The following ULK4 variants were observed in gnomAD, a reference collection of about 807,000 sequenced individuals.
ULK4 encodes inactive serine/threonine-protein kinase ULK4.
A neutral mutation model predicts 160.6 loss-of-function variants in ULK4; 133 were observed. The observed-to-expected ratio is 0.83, with a 90% CI of 0.72 to 0.96. The LOEUF (loss-of-function observed/expected upper bound fraction) is 0.96. Ranked by LOEUF, ULK4 falls within the 40% of genes least tolerant of loss-of-function variation. The pLI, the probability that ULK4 is intolerant of heterozygous loss-of-function variation, is 0.00. For missense variants in ULK4, 1,580 were observed against 1,499.5 expected (o/e 1.05, Z -0.89); for synonymous variants, 534 against 539.8 (o/e 0.99, Z 0.15).
intron 31 of ULK4, among the ~76,000 whole-genome samples, chr3:41,598,831 C>G (rs1046554320): frequency 6.6e-6 from 1 of 152,194 alleles, no homozygotes; most frequent in African/African-American, 2.4e-5. Flanking sequence ...CAAATTATCA[C>G]AGACGTTGTG....
intron 17 of ULK4, among the ~76,000 whole-genome samples, chr3:41,837,697 AT>A (rs1210600766): frequency 2.0e-5 from 3 of 151,746 alleles, no homozygotes; most frequent in Non-Finnish European, 4.4e-5. Flanking sequence ...AGTAGTTGGG[AT>A]TACAGGTACA....
intron 32 of ULK4, among the ~76,000 whole-genome samples, chr3:41,540,561 G>A (rs1216220352): frequency 7.2e-5 from 11 of 152,184 alleles, no homozygotes; most frequent in Non-Finnish European, 1.0e-4. Flanking sequence ...CCAGTAATGG[G>A]ATCGCTGGGT....
At chr3:41,484,805 C>T in intron 32 of ULK4, among the ~76,000 whole-genome samples, 1 of 152,086 alleles carries the variant, frequency 6.6e-6, no homozygotes, top group East Asian at 1.9e-4. Context: ...GGAGAACGAC[C>T]ACCACGTGAT....
chr3:41,793,779 T>A (rs1478693280), intron 20 of ULK4, among the ~76,000 whole-genome samples: 1 of 152,164 alleles, frequency 6.6e-6, no homozygotes, highest in Non-Finnish European at 1.5e-5. Context: ...TTCCCTATAA[T>A]CCCAATAAGT....
At chr3:41,668,998 T>C (rs185179307) in intron 29 of ULK4, among the ~76,000 whole-genome samples, 97 of 152,206 alleles carry the variant, frequency 6.4e-4, no homozygotes, top group African/African-American at 2.1e-3. Context: ...TCTTACTATA[T>C]AAAGAGCTTT....
At chr3:41,416,176 C>G in intron 34 of ULK4, among the ~76,000 whole-genome samples, 1 of 152,190 alleles carries the variant, frequency 6.6e-6, no homozygotes, top group East Asian at 1.9e-4. Context: ...CAAGACCTGA[C>G]AGAGAAGATG....
chr3:41,533,965 G>A (rs1043893395), intron 32 of ULK4, among the ~76,000 whole-genome samples: 16 of 151,946 alleles, frequency 1.1e-4, no homozygotes, highest in Middle Eastern at 3.2e-3. Context: ...CCGCCACCAC[G>A]CCCGGCTAAT....
At chr3:41,528,721 T>C (rs1397670630) in intron 32 of ULK4, among the ~76,000 whole-genome samples, 3 of 152,222 alleles carry the variant, frequency 2.0e-5, no homozygotes, top group South Asian at 2.1e-4. Context: ...ATCTCATGAT[T>C]CCATTCAGAG....
Position 41,856,564 on chromosome 3 carries a change from C to CATAT in ULK4, c.1657-20597_1657-20594dup, listed in dbSNP as rs201080840. On this transcript the variant is annotated intron_variant, in intron 17 of 36. Coordinates refer to ENST00000301831, the MANE Select transcript of ULK4 (RefSeq NM_017886.4). ...ATATATATATGTGTATATATATACACATATATATATGTGTATATATATACA... is the reference window on the plus strand; with the variant it reads ...ATATATATATGTGTATATATATACACATATATATATATATGTGTATATATATACA... Among the ~76,000 whole-genome samples, 34 of 69,030 alleles carry CATAT rather than the reference C, an allele frequency of 4.9e-4. 2 individuals carry two copies. The highest frequency in any genetic ancestry group is 2.8e-3 in the East Asian group (8 of 2,844). 45.3% of individuals were successfully genotyped at this position (69,030 alleles called of 152,430 possible).
chr3:41,816,174 C>T (rs1377574133), intron 19 of ULK4, among the ~76,000 whole-genome samples: 1 of 151,900 alleles, frequency 6.6e-6, no homozygotes, highest in African/African-American at 2.4e-5. Flanking sequence ...TTAAGAACTC[C>T]TGCCTATCAA....
chr3:41,656,568 A>G (rs1241597387), intron 30 of ULK4, among the ~76,000 whole-genome samples: 1 of 152,212 alleles, frequency 6.6e-6, no homozygotes, highest in African/African-American at 2.4e-5. Flanking sequence ...GCTGATTAAG[A>G]TGTTTGATAA....
At chr3:41,544,474 C>T (rs1354558025) in intron 32 of ULK4, among the ~76,000 whole-genome samples, 1 of 152,184 alleles carries the variant, frequency 6.6e-6, no homozygotes, top group Non-Finnish European at 1.5e-5. Context: ...TCAGGTCTTT[C>T]TTCATCATAT....
chr3:41,294,160 T>C (rs975275335), intron 35 of ULK4, among the ~76,000 whole-genome samples: 2 of 152,202 alleles, frequency 1.3e-5, no homozygotes, highest in Non-Finnish European at 2.9e-5. Flanking sequence ...AGGTGATGTT[T>C]AGGTCATGAG....
intron 17 of ULK4, among the ~76,000 whole-genome samples, chr3:41,865,899 A>T (rs781326255): frequency 6.6e-6 from 1 of 152,234 alleles, no homozygotes; most frequent in Non-Finnish European, 1.5e-5. Context: ...CAACAAAAGA[A>T]CCATTCGTAA....
intron 11 of ULK4, 23 bp downstream of exon 11, chr3:41,911,294 C>T: frequency 6.2e-7 from 1 of 1,610,914 alleles, no homozygotes; most frequent in Non-Finnish European, 8.5e-7. Flanking sequence ...TTGCACTGAT[C>T]CCTCTTTTTT....
In ULK4 at chr3:41,516,442, A is replaced by G. The variant is rs146173296; in HGVS notation, c.3226+49583T>C. On this transcript the variant is annotated intron_variant, in intron 32 of 36. Transcript: ENST00000301831. ...GGCTAGGATAAAATATTTGCAAAAC[A>G]TATCTGATAAAGGACTTGTATCCAC... is the stretch of plus-strand genomic sequence containing the variant. Among the ~76,000 whole-genome samples the G allele has an allele frequency of 3.3e-3, 496 of 152,274 alleles. 2 individuals are homozygous for G. Among genetic ancestry groups the G allele is most frequent in the Non-Finnish European group, 5.6e-3 (382 of 68,016 alleles).
intron 32 of ULK4, among the ~76,000 whole-genome samples, chr3:41,553,716 T>C (rs1413925546): frequency 1.3e-5 from 2 of 152,142 alleles, no homozygotes; most frequent in Non-Finnish European, 2.9e-5. Context: ...AGTAGGTATA[T>C]TTATTTATGG....
At chr3:41,919,144 C>A (rs919004784) in intron 6 of ULK4, among the ~76,000 whole-genome samples, 42 of 152,266 alleles carry the variant, frequency 2.8e-4, no homozygotes, top group African/African-American at 1.0e-3. Context: ...TGCAAGGCAT[C>A]TTTACAAAAA....
At chr3:41,864,334 G>A (rs2042569356) in intron 17 of ULK4, among the ~76,000 whole-genome samples, 1 of 150,582 alleles carries the variant, frequency 6.6e-6, no homozygotes, top group Non-Finnish European at 1.5e-5. Flanking sequence ...GAGTGGTGTT[G>A]GCAATTCAGA....
Sources: gnomAD v4.1 joint callset for allele counts (sites outside exome capture counted in the v4.1 genomes callset) on GRCh38, gnomAD v4.1.1 for gene constraint, MANE v1.5 for transcripts, NCBI Gene and HGNC (gene_info 2026-07-23, HGNC 2026-07-21) for gene names.